The following PCDH15 variants were observed in gnomAD, a reference collection of about 807,000 sequenced individuals.
The protein encoded by PCDH15 is protocadherin related 15.
PCDH15 carries 129 observed loss-of-function variants against 178.5 expected under a neutral mutation model. The observed-to-expected ratio is 0.72, with a 90% CI of 0.63 to 0.84. PCDH15 has a LOEUF of 0.84. Ranked by LOEUF, PCDH15 falls within the 40% of genes least tolerant of loss-of-function variation. The pLI is 0.00. For synonymous variants in PCDH15, 800 were observed against 732.0 expected, an observed-to-expected ratio of 1.09 and a Z score of -1.50; for missense variants, 2,230 against 2,099.9, an observed-to-expected ratio of 1.06 and a Z score of -1.21.
chr10:54,596,386 A>G (rs2092240568), intron 2 of PCDH15, among the ~76,000 whole-genome samples: 1 of 152,180 alleles, frequency 6.6e-6, no homozygotes, highest in Admixed American at 6.5e-5. Context: ...GAAGGGAAAT[A>G]TGATCCTTTT....
intron 3 of PCDH15, among the ~76,000 whole-genome samples, chr10:54,471,568 T>C (rs1227820722): frequency 6.6e-6 from 1 of 152,124 alleles, no homozygotes; most frequent in African/African-American, 2.4e-5. Context: ...TAGAAGATTT[T>C]ATACTATTGG....
chr10:54,728,287 C>A (rs1336020185), intron 1 of PCDH15, among the ~76,000 whole-genome samples: 1 of 151,360 alleles, frequency 6.6e-6, no homozygotes, highest in Non-Finnish European at 1.5e-5. Flanking sequence ...ATTTGCAACA[C>A]AATAAAATGA....
intron 1 of PCDH15, among the ~76,000 whole-genome samples, chr10:54,764,042 T>A (rs1486913791): frequency 6.6e-6 from 1 of 151,886 alleles, no homozygotes; most frequent in Admixed American, 6.6e-5. Flanking sequence ...GGTTTTCTTG[T>A]CCTGGGCTCA....
chr10:55,319,158 G>C (rs538205148), intron 1 of PCDH15, among the ~76,000 whole-genome samples: 2 of 152,016 alleles, frequency 1.3e-5, no homozygotes, highest in African/African-American at 4.8e-5. Context: ...AGAAAAAGGA[G>C]CAGTTCAAAG....
chr10:55,253,638 T>C (rs1191715010), intron 1 of PCDH15, among the ~76,000 whole-genome samples: 1 of 152,148 alleles, frequency 6.6e-6, no homozygotes, highest in African/African-American at 2.4e-5. Context: ...TAGGAGAATT[T>C]GAAGCTAAAT....
At position 54,153,208 on chromosome 10, in the gene PCDH15, T is replaced by C; in HGVS notation, c.1676A>G (p.Asn559Ser). ...GATGGTGATAAGCCCTGTTGTTTTA[T>C]TGATGATGAAGTCTCCCTGAGCCCC... ...LVGAQGDFII[N>S]KTTGLITIAP... The change falls in exon 14 of 38, where the codon AAT becomes AGT. Residue 559 changes from asparagine to serine, a missense_variant. Coordinates refer to ENST00000644397, the MANE Select transcript of PCDH15 (RefSeq NM_001384140.1). 6.2e-7 allele frequency: 1 copy of C among 1,613,934 alleles called. No individual in the cohort carries two copies. The highest frequency in any genetic ancestry group is 8.5e-7 in the Non-Finnish European group (1 of 1,179,896).
At chr10:53,903,820 C>T (rs943578484) in intron 25 of PCDH15, among the ~76,000 whole-genome samples, 3 of 152,062 alleles carry the variant, frequency 2.0e-5, no homozygotes, top group Non-Finnish European at 2.9e-5. Flanking sequence ...ATTTCTTTAG[C>T]TTAAAATTGT....
chr10:54,780,797 T>G (rs918415856), intron 1 of PCDH15, among the ~76,000 whole-genome samples: 1 of 151,338 alleles, frequency 6.6e-6, no homozygotes, highest in Non-Finnish European at 1.5e-5. Flanking sequence ...GAGAACAAAT[T>G]ACTTTGGAGA....
At chr10:55,249,871 T>C (rs1841788338) in intron 1 of PCDH15, among the ~76,000 whole-genome samples, 1 of 152,002 alleles carries the variant, frequency 6.6e-6, no homozygotes. Flanking sequence ...TAAAAGAAAG[T>C]GCAGATTTTA....
intron 1 of PCDH15, among the ~76,000 whole-genome samples, chr10:54,723,242 A>C (rs1262279069): frequency 6.8e-6 from 1 of 148,112 alleles, no homozygotes; most frequent in Non-Finnish European, 1.5e-5. Context: ...TCAGAATTAA[A>C]GCACACACTT....
At chr10:54,036,262 A>G (rs1197567821) in intron 18 of PCDH15, among the ~76,000 whole-genome samples, 1 of 151,966 alleles carries the variant, frequency 6.6e-6, no homozygotes, top group African/African-American at 2.4e-5. Context: ...ATGTAGATAA[A>G]ACAGTTTTCT....
intron 1 of PCDH15, among the ~76,000 whole-genome samples, chr10:54,692,339 C>T (rs758827669): frequency 7.2e-5 from 11 of 152,088 alleles, no homozygotes; most frequent in Admixed American, 1.3e-4. Context: ...ATTTATTGCA[C>T]TTTGTATCTT....
chr10:55,563,366 G>A (rs543926712), intron 2 of PCDH15, among the ~76,000 whole-genome samples: 1 of 151,846 alleles, frequency 6.6e-6, no homozygotes, highest in African/African-American at 2.4e-5. Context: ...AAATTAGAAA[G>A]TTTCAGTGTA....
intron 8 of PCDH15, among the ~76,000 whole-genome samples, chr10:54,307,527 T>C (rs1309299936): frequency 6.6e-6 from 1 of 151,826 alleles, no homozygotes; most frequent in Non-Finnish European, 1.5e-5. Context: ...GGGAGCAAGA[T>C]ACCTCCCCGT....
At position 53,938,881 on chromosome 10, in the gene PCDH15, A is replaced by G. The variant is rs938618267; in HGVS notation, c.3307T>C (p.Tyr1103His). Reference protein sequence around the residue: ...GPLDYETRTSYVLRVQADSLE... With the variant: ...GPLDYETRTSHVLRVQADSLE... ...GAATCAGCTTGGACTCGAAGTACAT[A>G]GCTTGTCCTGGTCTCATAATCCAGA... The change falls in exon 25 of 38, where the codon TAT becomes CAT. Residue 1103 changes from tyrosine (Y) to histidine (H), a missense_variant. Physicochemically the swap from Tyr to His is moderately conservative, Grantham distance 83. Transcript: ENST00000644397. 1.2e-6 allele frequency: 2 copies of G among 1,613,652 alleles called. No individual in the cohort carries two copies. The highest frequency in any genetic ancestry group is 1.7e-6 in the Non-Finnish European group (2 of 1,179,644).
chr10:53,984,715 C>A (rs2090976813), intron 21 of PCDH15, among the ~76,000 whole-genome samples: 1 of 152,104 alleles, frequency 6.6e-6, no homozygotes, highest in Non-Finnish European at 1.5e-5. Flanking sequence ...TTATTCATTT[C>A]TTTCTCTTCT....
chr10:54,752,816 A>G (rs532264232), intron 1 of PCDH15, among the ~76,000 whole-genome samples: 1 of 152,228 alleles, frequency 6.6e-6, no homozygotes, highest in South Asian at 2.1e-4. Flanking sequence ...CTTGTTATCA[A>G]TGGCATACAT....
intron 2 of PCDH15, among the ~76,000 whole-genome samples, chr10:55,046,895 A>C (rs139641556): frequency 1.0e-3 from 159 of 152,108 alleles, no homozygotes; most frequent in African/African-American, 3.7e-3. Context: ...ATCACATCTC[A>C]ATACATTATT....
At chr10:55,557,203 G>T (rs1842108191) in intron 2 of PCDH15, among the ~76,000 whole-genome samples, 1 of 152,040 alleles carries the variant, frequency 6.6e-6, no homozygotes, top group Non-Finnish European at 1.5e-5. Flanking sequence ...ATACATCTTT[G>T]ATTTGATTTG....
Sources: allele counts gnomAD v4.1 joint callset (sites outside exome capture counted in the v4.1 genomes callset), GRCh38; gene constraint gnomAD v4.1.1; transcripts MANE v1.5; gene names NCBI Gene and HGNC (gene_info 2026-07-23, HGNC 2026-07-21).